The following AAK1 variants were observed in gnomAD, a reference collection of about 807,000 sequenced individuals.
AAK1 encodes the protein AP2-associated protein kinase 1.
In AAK1, 37 loss-of-function variants were observed where a neutral mutation model predicts 116.0. The ratio of observed to expected loss-of-function variants is 0.32; its 90% CI spans 0.25 to 0.42. The LOEUF (loss-of-function observed/expected upper bound fraction) is 0.42. AAK1 is among the 10% of genes least tolerant of loss of function. The pLI, the probability that AAK1 is intolerant of heterozygous loss-of-function variation, is 1.00. For synonymous variants in AAK1, 458 were observed against 439.9 expected, an observed-to-expected ratio of 1.04 and a Z score of -0.51; for missense variants, 919 against 1,170.6, an observed-to-expected ratio of 0.79 and a Z score of 3.14.
At chr2:69,506,455 T>C (rs1676189077) in intron 15 of AAK1, among the ~76,000 whole-genome samples, 1 of 152,160 alleles carries the variant, frequency 6.6e-6, no homozygotes, top group South Asian at 2.1e-4. Context: ...CCTCGACCTC[T>C]TGGGCTCAAG....
chr2:69,611,118 G>A (rs745696872), intron 2 of AAK1, among the ~76,000 whole-genome samples: 1 of 152,226 alleles, frequency 6.6e-6, no homozygotes, highest in Non-Finnish European at 1.5e-5. Flanking sequence ...CTATGAGGGT[G>A]TTGCCAGAGG....
intron 2 of AAK1, among the ~76,000 whole-genome samples, chr2:69,559,177 T>A (rs1671521285): frequency 6.6e-6 from 1 of 152,096 alleles, no homozygotes; most frequent in African/African-American, 2.4e-5. Context: ...TTAACTGTCA[T>A]CTCTCTAATC....
rs1674384845 is a variant in AAK1, at chr2:69,463,155, C to G, written c.*12714G>C. 1 of 152,188 alleles carries G rather than the reference C, an allele frequency of 6.6e-6. No homozygotes were observed. The highest frequency in any genetic ancestry group is 2.1e-4 in the South Asian group (1 of 4,826). 9.4% of individuals were successfully genotyped at this position (152,188 alleles called of 1,614,324 possible). ...TAGAATTGGGCATTCAGACTTGATT[C>G]TTAGATGAATTTCCAATAATTTTTA... On this transcript the variant is annotated 3_prime_UTR_variant, in exon 22 of 22. Transcript: ENST00000409085.
At chr2:69,536,245 C>T (rs1412012749) in intron 5 of AAK1, among the ~76,000 whole-genome samples, 2 of 152,158 alleles carry the variant, frequency 1.3e-5, no homozygotes, top group Non-Finnish European at 2.9e-5. Flanking sequence ...GAGAAGCACA[C>T]AGACAGCAGA....
intron 2 of AAK1, among the ~76,000 whole-genome samples, chr2:69,607,545 G>C (rs924537891): frequency 6.6e-6 from 1 of 151,990 alleles, no homozygotes; most frequent in Non-Finnish European, 1.5e-5. Flanking sequence ...TATCAAACAC[G>C]GGTAACGACT....
chr2:69,522,505 G>GT (rs1669830186), intron 10 of AAK1, among the ~76,000 whole-genome samples: 3 of 151,984 alleles, frequency 2.0e-5, no homozygotes, highest in Admixed American at 1.3e-4. Flanking sequence ...GAAGAAAGGT[G>GT]TAAGAAAGAA....
At chr2:69,497,295 CTTTTTTTTTTTTTTTT>C (rs1176401016) in intron 16 of AAK1, among the ~76,000 whole-genome samples, 1 of 76,086 alleles carries the variant, frequency 1.3e-5, no homozygotes, top group African/African-American at 6.4e-5. Flanking sequence ...CATTATCATT[CTTTTTTTTTTTTTTTT>C]TTTTTTTTTG....
intron 2 of AAK1, among the ~76,000 whole-genome samples, chr2:69,596,521 G>A (rs1394167219): frequency 6.6e-6 from 1 of 152,064 alleles, no homozygotes; most frequent in African/African-American, 2.4e-5. Flanking sequence ...CATGCCCGGG[G>A]AATTTTGACT....
Position 69,509,266 on chromosome 2 carries a change from C to T in AAK1, c.1971G>A (p.Gln657=). The T allele has an allele frequency of 6.2e-7, 1 of 1,613,990 alleles. No homozygotes were observed. The highest frequency in any genetic ancestry group is 8.5e-7 in the Non-Finnish European group (1 of 1,179,870). ...VPASKSTQLL[Q]AAAAEASLNK... ...TGAGACTGGCCTCAGCTGCAGCTGC[C>T]TGGAGCAGCTGGGTTGATTTGCTGG... Residue 657 remains glutamine, a synonymous_variant, in exon 14 of 22, where the codon CAG becomes CAA. Coordinates refer to ENST00000409085, the MANE Select transcript of AAK1 (RefSeq NM_014911.5).
At chr2:69,559,777 C>T (rs1671553398) in intron 2 of AAK1, among the ~76,000 whole-genome samples, 1 of 152,180 alleles carries the variant, frequency 6.6e-6, no homozygotes, top group Non-Finnish European at 1.5e-5. Flanking sequence ...TGTTGTGAAA[C>T]AAAAGGTGGG....
intron 2 of AAK1, among the ~76,000 whole-genome samples, chr2:69,584,115 G>A (rs1005415291): frequency 2.0e-5 from 3 of 152,158 alleles, no homozygotes; most frequent in East Asian, 1.9e-4. Flanking sequence ...CTCCCTCCCC[G>A]CAAAACCCAC....
chr2:69,527,845 C>T (rs1670086631), intron 8 of AAK1, among the ~76,000 whole-genome samples: 1 of 152,182 alleles, frequency 6.6e-6, no homozygotes, highest in Non-Finnish European at 1.5e-5. Context: ...TTGTCTATTT[C>T]CAGGTCCTTT....
Position 69,466,358 on chromosome 2 carries a change from C to T in AAK1, c.*9511G>A, listed in dbSNP as rs1266955246. 2.6e-5 allele frequency: 33 copies of T among 1,289,728 alleles called. No individual in the cohort carries two copies. Among genetic ancestry groups the T allele is most frequent in the African/African-American group, 4.6e-5 (3 of 65,872 alleles). 79.9% of individuals were successfully genotyped at this position (1,289,728 alleles called of 1,614,324 possible). A position where few individuals can be genotyped will look rare whatever the true frequency, so the allele number is the denominator to read the frequency against. The stretch of plus-strand genomic sequence containing the variant: ...TGTCTCCTTCAAGGTCAGTCCCTTC[C>T]TCTTCGCTGCTGTGGAATGAGCTGT... On this transcript the variant is annotated 3_prime_UTR_variant, in exon 22 of 22. Coordinates refer to ENST00000409085, the MANE Select transcript of AAK1 (RefSeq NM_014911.5).
chr2:69,482,582 G>T, intron 18 of AAK1, 129 bp downstream of exon 18: 1 of 777,160 alleles, frequency 1.3e-6, no homozygotes, highest in Non-Finnish European at 2.3e-6. Flanking sequence ...TGATACAAGT[G>T]AGATTAAATA....
chr2:69,587,391 G>A (rs970001238), intron 2 of AAK1, among the ~76,000 whole-genome samples: 9 of 146,124 alleles, frequency 6.2e-5, no homozygotes, highest in East Asian at 4.1e-4. Flanking sequence ...ATACACACAC[G>A]TGTGTACATA....
At chr2:69,580,001 T>C (rs1036480112) in intron 2 of AAK1, among the ~76,000 whole-genome samples, 1 of 152,174 alleles carries the variant, frequency 6.6e-6, no homozygotes, top group African/African-American at 2.4e-5. Context: ...CCTCCCTTTC[T>C]GTGTTCCCCA....
rs939981245 is a variant in AAK1, at chr2:69,474,161, T to C, written c.*1708A>G. ...CCTTGCCCTCCAGAATGCAGTGTTT[T>C]ATAGGCTGTTGTTGCTGTTAAACTT... On this transcript the variant is annotated 3_prime_UTR_variant, in exon 22 of 22. Coordinates refer to ENST00000409085, the MANE Select transcript of AAK1 (RefSeq NM_014911.5). 1.0e-6 allele frequency: 1 copy of C among 985,800 alleles called. No individual in the cohort carries two copies. The highest frequency in any genetic ancestry group is 1.7e-5 in the African/African-American group (1 of 57,254). The allele number at this position is 985,800 out of a possible 1,614,324, so 61.1% of individuals were successfully genotyped here. A position where few individuals can be genotyped will look rare whatever the true frequency, so the allele number is the denominator to read the frequency against.
chr2:69,577,023 A>C (rs1238088180), intron 2 of AAK1, among the ~76,000 whole-genome samples: 1 of 152,214 alleles, frequency 6.6e-6, no homozygotes, highest in African/African-American at 2.4e-5. Flanking sequence ...CAAAAACAGC[A>C]CTATTGAGAT....
At chr2:69,554,849 C>A (rs1225542825) in intron 3 of AAK1, among the ~76,000 whole-genome samples, 4 of 152,230 alleles carry the variant, frequency 2.6e-5, no homozygotes, top group Admixed American at 2.6e-4. Context: ...AAACAAAACT[C>A]TCACAGCTAA....
Sources: allele counts gnomAD v4.1 joint callset (sites outside exome capture counted in the v4.1 genomes callset), GRCh38; gene constraint gnomAD v4.1.1; transcripts MANE v1.5; gene names NCBI Gene and HGNC (gene_info 2026-07-23, HGNC 2026-07-21).